The following ALDH1A1 variants were observed in gnomAD, a reference collection of about 807,000 sequenced individuals.
The protein encoded by ALDH1A1 is aldehyde dehydrogenase 1 family member A1.
ALDH1A1 carries 19 observed loss-of-function variants against 62.1 expected under a neutral mutation model. The ratio of observed to expected loss-of-function variants is 0.31; its 90% CI spans 0.21 to 0.45. The LOEUF is 0.45. Ranked by LOEUF, ALDH1A1 falls within the 20% of genes least tolerant of loss-of-function variation. ALDH1A1 has a pLI of 1.00. For synonymous variants in ALDH1A1, 231 were observed against 215.9 expected, an observed-to-expected ratio of 1.07 and a Z score of -0.61; for missense variants, 521 against 607.1, an observed-to-expected ratio of 0.86 and a Z score of 1.49.
rs555907085 is a variant in ALDH1A1 at position 72,909,233 on chromosome 9, C to T, written c.1358+369G>A. On this transcript the variant is annotated intron_variant, in intron 11 of 12. Coordinates refer to ENST00000297785, the MANE Select transcript of ALDH1A1 (RefSeq NM_000689.5). ...CTAGAGTGCAATGGCATGATCTCGG[C>T]TCACTGCAACCTCCGCCTCCCAGGC... Among the ~76,000 whole-genome samples, 4 of 136,236 alleles carry T rather than the reference C, an allele frequency of 2.9e-5. No individual in the cohort carries two copies. In the East Asian group the frequency reaches 9.1e-4, roughly 31 times the overall value. 89.4% of individuals were successfully genotyped at this position (136,236 alleles called of 152,430 possible).
chr9:72,937,831 G>A (rs1203363528), intron 2 of ALDH1A1, among the ~76,000 whole-genome samples: 1 of 152,150 alleles, frequency 6.6e-6, no homozygotes, highest in African/African-American at 2.4e-5. Context: ...TTTATGCTTT[G>A]GTGAACTCTT....
In ALDH1A1 at chr9:72,935,498, G is replaced by T. The variant is rs376150990; in HGVS notation, c.172-4479C>A. ...TCCATATTAAATTCATTCAGAGATG[G>T]AGAAAATAGTTATCAGACCAGTTTT... is the stretch of plus-strand genomic sequence containing the variant. On this transcript the variant is annotated intron_variant, in intron 2 of 12. Transcript: ENST00000297785. Among the ~76,000 whole-genome samples, 28 of 152,268 alleles carry T rather than the reference G, an allele frequency of 1.8e-4. No homozygotes were observed. The South Asian group carries it at 5.8e-3, about 32-fold the overall frequency.
At chr9:72,929,087 T>G in intron 3 of ALDH1A1, 66 bp from the exon 4 acceptor site, 1 of 1,524,304 alleles carries the variant, frequency 6.6e-7, no homozygotes, top group South Asian at 1.2e-5. Flanking sequence ...ATGTAGTAAA[T>G]ATTTTCAGCA....
intron 4 of ALDH1A1, among the ~76,000 whole-genome samples, chr9:72,928,297 C>T (rs1437279805): frequency 1.3e-5 from 2 of 152,068 alleles, no homozygotes; most frequent in Non-Finnish European, 2.9e-5. Flanking sequence ...CCATTATGTG[C>T]ATACCCCACT....
At chr9:72,920,953 A>C (rs1830133081) in intron 7 of ALDH1A1, among the ~76,000 whole-genome samples, 1 of 152,238 alleles carries the variant, frequency 6.6e-6, no homozygotes, top group South Asian at 2.1e-4. Flanking sequence ...GTTCTATTTT[A>C]TATGAATCTA....
At chr9:72,952,022 A>T (rs1830548746) in intron 1 of ALDH1A1, among the ~76,000 whole-genome samples, 1 of 152,008 alleles carries the variant, frequency 6.6e-6, no homozygotes, top group Non-Finnish European at 1.5e-5. Flanking sequence ...TTTATCATTA[A>T]ATTATAATGC....
intron 7 of ALDH1A1, among the ~76,000 whole-genome samples, chr9:72,923,460 C>G (rs1830166450): frequency 6.6e-6 from 1 of 152,112 alleles, no homozygotes; most frequent in Admixed American, 6.5e-5. Context: ...ACCTTCTAGT[C>G]TGCTCTCCCT....
At position 72,946,311 on chromosome 9, in the gene ALDH1A1, A is replaced by T. The variant is rs8187886; in HGVS notation, c.67-6059T>A. Among the ~76,000 whole-genome samples, 172 of 152,116 alleles carry T rather than the reference A, an allele frequency of 1.1e-3. 2 individuals are homozygous for T. The highest frequency in any genetic ancestry group is 9.1e-3 in the Admixed American group (139 of 15,246). On this transcript the variant is annotated intron_variant, in intron 1 of 12. Coordinates refer to ENST00000297785, the MANE Select transcript of ALDH1A1 (RefSeq NM_000689.5). ...AAAAAGTATCGATAGAGCAGTGGAAATAGTCAGTGGAAATGGGACCAGGGT... is the reference window on the plus strand; with the variant it reads ...AAAAAGTATCGATAGAGCAGTGGAATTAGTCAGTGGAAATGGGACCAGGGT...
chr9:72,915,949 T>C (rs1475825135), intron 9 of ALDH1A1, among the ~76,000 whole-genome samples: 1 of 152,214 alleles, frequency 6.6e-6, no homozygotes, highest in Non-Finnish European at 1.5e-5. Flanking sequence ...AAAACCTTTA[T>C]TGTGAAAGAA....
chr9:72,906,011 T>G lies in ALDH1A1; in HGVS notation c.1380A>C (p.Val460=). 6.2e-7 allele frequency: 1 copy of G among 1,612,470 alleles called. No individual in the cohort carries two copies. The highest frequency in any genetic ancestry group is 8.5e-7 in the Non-Finnish European group (1 of 1,179,038). ...GTVWVNCYGV[V]SAQCPFGGFK... ...ATCCACCAAAGGGGCACTGGGCACT[T>G]ACCACGCCATAGCAATTCACCCTGA... The change falls in exon 12 of 13, where the codon GTA becomes GTC. Residue 460 remains valine, a synonymous_variant. Transcript: ENST00000297785.
chr9:72,908,559 GAAAGAAAGAAAGA>G (rs1564622548), intron 11 of ALDH1A1, among the ~76,000 whole-genome samples: 202 of 8,590 alleles, frequency 0.024, no homozygotes, highest in Middle Eastern at 0.15. Context: ...AAAGAAGAAA[GAAAGAAAGAAAGA>G]AAGAAAGAAA....
intron 2 of ALDH1A1, among the ~76,000 whole-genome samples, chr9:72,936,642 C>T (rs1830350300): frequency 6.6e-6 from 1 of 152,088 alleles, no homozygotes; most frequent in Non-Finnish European, 1.5e-5. Context: ...ATAAATTTCT[C>T]TCTTATTTCT....
rs1177804649 is a variant in ALDH1A1 at position 72,911,906 on chromosome 9, A to G, written c.1200+52T>C. ...TTAAAGTGACACTTTGTATACACAC[A>G]AACAGACAAAACATGGCAACAAAAA... On this transcript the variant is annotated intron_variant, in intron 10 of 12. Coordinates refer to ENST00000297785, the MANE Select transcript of ALDH1A1 (RefSeq NM_000689.5). 4 of 1,604,020 alleles carry G rather than the reference A, an allele frequency of 2.5e-6. No homozygotes were observed. In the African/African-American group the frequency reaches 4.0e-5, roughly 16 times the overall value.
rs867800463 is a variant in ALDH1A1 at position 72,930,917 on chromosome 9, A to T, written c.274T>A (p.Leu92Met). The change falls in exon 3 of 13, where the codon TTG (leucine) becomes ATG (methionine). Residue 92 changes from leucine to methionine, a missense_variant. By Grantham distance (15) the Leu-to-Met change is conservative. Coordinates refer to ENST00000297785, the MANE Select transcript of ALDH1A1 (RefSeq NM_000689.5). ...ASERGRLLYKLADLIERDRLL... is the reference protein window; with the variant it reads ...ASERGRLLYKMADLIERDRLL... ...CGATCTCTTTCGATTAAATCAGCCAACTTGTATAATAGTCGCCCCCTCTCG... is the reference window on the plus strand; with the variant it reads ...CGATCTCTTTCGATTAAATCAGCCATCTTGTATAATAGTCGCCCCCTCTCG... 1 of 1,614,072 alleles carries T rather than the reference A, an allele frequency of 6.2e-7. No homozygotes were observed. The highest frequency in any genetic ancestry group is 8.5e-7 in the Non-Finnish European group (1 of 1,179,966).
At position 72,933,503 on chromosome 9, in the gene ALDH1A1, T is replaced by A. The variant is rs577254080; in HGVS notation, c.172-2484A>T. ...CCAGGAGGCTGAAGTGGGAGGATCGTTTGAACCTGAGAGGTGCAGGTTGCA... is the reference window on the plus strand; with the variant it reads ...CCAGGAGGCTGAAGTGGGAGGATCGATTGAACCTGAGAGGTGCAGGTTGCA... On this transcript the variant is annotated intron_variant, in intron 2 of 12. Transcript: ENST00000297785. Among the ~76,000 whole-genome samples, 40 of 150,554 alleles carry A rather than the reference T, an allele frequency of 2.7e-4. 1 individual carries two copies. Among genetic ancestry groups the A allele is most frequent in the African/African-American group, 9.5e-4 (39 of 40,894 alleles).
At chr9:72,904,501 C>T (rs1284213915) in intron 12 of ALDH1A1, among the ~76,000 whole-genome samples, 1 of 152,120 alleles carries the variant, frequency 6.6e-6, no homozygotes, top group Non-Finnish European at 1.5e-5. Flanking sequence ...CCTACACTTG[C>T]TTTCTGCCCT....
Position 72,909,638 on chromosome 9 carries a change from A to G in ALDH1A1, c.1322T>C (p.Ile441Thr), listed in dbSNP as rs1829954339. Residue 441 changes from isoleucine (I) to threonine (T), a missense_variant, in exon 11 of 13, where the codon ATA becomes ACA. Coordinates refer to ENST00000297785, the MANE Select transcript of ALDH1A1 (RefSeq NM_000689.5). ...GVFTKDIDKA[I>T]TISSALQAGT... ...TGCCTGCAGAGCAGAGGAGATTGTT[A>G]TGGCTTTATCAATGTCTTTGGTAAA... The G allele has an allele frequency of 6.2e-7, 1 of 1,614,024 alleles. No individual in the cohort carries two copies. Among genetic ancestry groups the G allele is most frequent in the African/African-American group, 1.3e-5 (1 of 75,044 alleles).
chr9:72,946,465 A>G (rs1405374600), intron 1 of ALDH1A1, among the ~76,000 whole-genome samples: 1 of 151,934 alleles, frequency 6.6e-6, no homozygotes, highest in Non-Finnish European at 1.5e-5. Context: ...AGAAAACCCA[A>G]TATTAGCAAC....
chr9:72,937,232 T>G, intron 2 of ALDH1A1, among the ~76,000 whole-genome samples: 1 of 152,294 alleles, frequency 6.6e-6, no homozygotes, highest in South Asian at 2.1e-4. Flanking sequence ...TAGTATAGCA[T>G]ACTTATAGGA....
Sources: gnomAD v4.1 joint callset for allele counts (sites outside exome capture counted in the v4.1 genomes callset) on GRCh38, gnomAD v4.1.1 for gene constraint, MANE v1.5 for transcripts, NCBI Gene and HGNC (gene_info 2026-07-23, HGNC 2026-07-21) for gene names.